Variants in FAM83B observed in about 807,000 individuals in gnomAD.
FAM83B encodes scaffolding CK1 anchoring protein B.
Under a neutral mutation model 38.8 loss-of-function variants are expected in FAM83B, and 26 were observed. The observed-to-expected ratio is 0.67, with a 90% CI of 0.49 to 0.93. FAM83B has a LOEUF of 0.93. Ranked by LOEUF, FAM83B falls within the 40% of genes least tolerant of loss-of-function variation. The pLI is 0.00. For synonymous variants in FAM83B, 419 were observed against 423.1 expected (o/e 0.99, Z 0.12); for missense variants, 1,237 against 1,197.3 (o/e 1.03, Z -0.49).
At chr6:54,907,864 AAGTATTATG>A (rs1313323192) in intron 2 of FAM83B, among the ~76,000 whole-genome samples, 1 of 152,154 alleles carries the variant, frequency 6.6e-6, no homozygotes, top group Non-Finnish European at 1.5e-5. Context: ...CTAAGGTCAT[AAGTATTATG>A]AGAACATATT....
At chr6:54,854,581 A>G (rs1283662571) in intron 1 of FAM83B, among the ~76,000 whole-genome samples, 1 of 152,170 alleles carries the variant, frequency 6.6e-6, no homozygotes, top group Non-Finnish European at 1.5e-5. Flanking sequence ...TCTTTTGACT[A>G]AGGTTGTTCA....
intron 2 of FAM83B, among the ~76,000 whole-genome samples, chr6:54,892,713 T>G (rs1356327490): frequency 6.7e-6 from 1 of 149,330 alleles, no homozygotes; most frequent in Admixed American, 6.7e-5. Flanking sequence ...TTGTATATAT[T>G]GTATATATAT....
At chr6:54,884,443 T>C (rs556263532) in intron 2 of FAM83B, among the ~76,000 whole-genome samples, 2 of 148,588 alleles carry the variant, frequency 1.3e-5, no homozygotes, top group South Asian at 4.3e-4. Context: ...GACTGCGCCA[T>C]TGCACTCCAG....
Position 54,926,426 on chromosome 6 carries a change from T to C in FAM83B, c.500T>C (p.Val167Ala). 1 of 1,609,616 alleles carries C rather than the reference T, an allele frequency of 6.2e-7. No homozygotes were observed. ...GATGTGGACATTTTCAAAGAAATCG[T>C]TGAGGCATCAACTCGAGGAGTATCT... ...FTDVDIFKEI[V>A]EASTRGVSVY... The change falls in exon 3 of 5, where the codon GTT (valine) becomes GCT (alanine). Residue 167 changes from valine to alanine, a missense_variant. Val to Ala is a moderately conservative substitution (Grantham distance 64). Transcript: ENST00000306858.
chr6:54,920,575 AC>A (rs975865219), intron 2 of FAM83B, among the ~76,000 whole-genome samples: 9 of 151,930 alleles, frequency 5.9e-5, no homozygotes, highest in African/African-American at 1.9e-4. Flanking sequence ...AAAGGGAAAA[AC>A]AATGTAGGTT....
rs375409415 is a variant in FAM83B at position 54,913,143 on chromosome 6, TA to T, written c.445-13224del. On this transcript the variant is annotated intron_variant, in intron 2 of 4. Transcript: ENST00000306858. ...CACCCAAGTAAAGAATGCAGCCTCT[TA>T]AAATGGGAATAGGAAGTTTTGTTTT... Among the ~76,000 whole-genome samples the T allele has an allele frequency of 5.7e-3, 872 of 152,178 alleles. 6 individuals carry two copies. The highest frequency in any genetic ancestry group is 0.02 in the African/African-American group (825 of 41,556).
intron 1 of FAM83B, among the ~76,000 whole-genome samples, chr6:54,854,429 G>A (rs758140525): frequency 2.6e-5 from 4 of 152,150 alleles, no homozygotes; most frequent in Non-Finnish European, 5.9e-5. Flanking sequence ...TTAAGAAATT[G>A]CTATAGCCAC....
At chr6:54,852,491 G>T (rs1029514384) in intron 1 of FAM83B, among the ~76,000 whole-genome samples, 2 of 152,118 alleles carry the variant, frequency 1.3e-5, no homozygotes, top group Non-Finnish European at 1.5e-5. Flanking sequence ...TCCACCAACT[G>T]GCCATTCCCC....
chr6:54,889,081 T>C (rs904468795), intron 2 of FAM83B, among the ~76,000 whole-genome samples: 1 of 152,102 alleles, frequency 6.6e-6, no homozygotes, highest in African/African-American at 2.4e-5. Flanking sequence ...TTGGTATTGA[T>C]ATTTGTCAGT....
chr6:54,858,065 G>GT (rs754858744), intron 1 of FAM83B, among the ~76,000 whole-genome samples: 1 of 152,308 alleles, frequency 6.6e-6, no homozygotes, highest in East Asian at 1.9e-4. Context: ...AAGTCTGGAT[G>GT]TTTGCAAGTC....
intron 2 of FAM83B, among the ~76,000 whole-genome samples, chr6:54,895,434 A>T (rs1296679032): frequency 6.6e-6 from 1 of 152,172 alleles, no homozygotes; most frequent in Non-Finnish European, 1.5e-5. Flanking sequence ...TCATATCCTC[A>T]GGTAGATGTG....
intron 2 of FAM83B, among the ~76,000 whole-genome samples, chr6:54,896,356 A>G (rs1362723073): frequency 1.3e-5 from 2 of 152,230 alleles, no homozygotes; most frequent in Non-Finnish European, 2.9e-5. Context: ...TGAACAAATT[A>G]TCCACTGAGC....
intron 1 of FAM83B, among the ~76,000 whole-genome samples, chr6:54,866,844 T>G (rs1052325819): frequency 6.6e-6 from 1 of 152,154 alleles, no homozygotes; most frequent in Non-Finnish European, 1.5e-5. Flanking sequence ...ACTGCCAAAC[T>G]GTTTTTCCAG....
chr6:54,901,543 A>G (rs2127582327), intron 2 of FAM83B, among the ~76,000 whole-genome samples: 1 of 152,352 alleles, frequency 6.6e-6, no homozygotes, highest in African/African-American at 2.4e-5. Flanking sequence ...CTATGATATA[A>G]AAAGTTAATA....
intron 2 of FAM83B, among the ~76,000 whole-genome samples, chr6:54,899,728 C>T (rs1038352364): frequency 1.3e-5 from 2 of 152,124 alleles, no homozygotes; most frequent in Non-Finnish European, 2.9e-5. Context: ...ACAGGCTCCA[C>T]CTCCTAATAT....
At chr6:54,879,079 G>A (rs556450150) in intron 2 of FAM83B, among the ~76,000 whole-genome samples, 9 of 152,304 alleles carry the variant, frequency 5.9e-5, no homozygotes, top group African/African-American at 2.2e-4. Context: ...CAGGAAGCAG[G>A]CATAGAGACT....
Position 54,941,638 on chromosome 6 carries a change from T to A in FAM83B, c.2667T>A (p.Phe889Leu). The A allele has an allele frequency of 6.2e-7, 1 of 1,614,066 alleles. No individual in the cohort carries two copies. Among genetic ancestry groups the A allele is most frequent in the Non-Finnish European group, 8.5e-7 (1 of 1,180,012 alleles). Residue 889 changes from phenylalanine to leucine, a missense_variant, in exon 5 of 5, where the codon TTT (phenylalanine) becomes TTA (leucine). Physicochemically the swap from Phe to Leu is conservative, Grantham distance 22. Transcript: ENST00000306858. ...ERAGDASAPR[F>L]NTEQIQYRDS... ...CAGGAGATGCCTCTGCCCCAAGATT[T>A]AACACTGAACAGATCCAATACCGAG... is the stretch of plus-strand genomic sequence containing the variant.
rs111988774 is a variant in FAM83B at position 54,869,622 on chromosome 6, C to A, written c.-60-565C>A. Among the ~76,000 whole-genome samples the A allele has an allele frequency of 9.2e-5, 14 of 152,140 alleles. No homozygotes were observed. In the East Asian group the frequency reaches 2.5e-3, roughly 27 times the overall value. The stretch of plus-strand genomic sequence containing the variant: ...CTGATCAGATTCTTACTCATTGCTC[C>A]GGGTCCAGCCGAAGCCCACCTCTTG... On this transcript the variant is annotated intron_variant, in intron 1 of 4. Coordinates refer to ENST00000306858, the MANE Select transcript of FAM83B (RefSeq NM_001010872.3).
At chr6:54,892,376 A>G (rs1431436441) in intron 2 of FAM83B, among the ~76,000 whole-genome samples, 1 of 151,910 alleles carries the variant, frequency 6.6e-6, no homozygotes, top group Non-Finnish European at 1.5e-5. Context: ...TCACCCAGGT[A>G]TTAAGCCTAG....
Sources: allele counts gnomAD v4.1 joint callset (sites outside exome capture counted in the v4.1 genomes callset), GRCh38; gene constraint gnomAD v4.1.1; transcripts MANE v1.5; gene names NCBI Gene and HGNC (gene_info 2026-07-23, HGNC 2026-07-21).